The following PINX1 variants were observed in gnomAD, a reference collection of about 807,000 sequenced individuals.
PINX1 encodes PIN2/TERF1-interacting telomerase inhibitor 1.
PINX1 carries 34 observed loss-of-function variants against 25.4 expected under a neutral mutation model. The ratio of observed to expected loss-of-function variants is 1.34; its 90% CI spans 1.02 to 1.78. The LOEUF is 1.78. Among genes scored for constraint, PINX1 ranks in the 40% most tolerant of loss-of-function variants. The pLI is 0.00. For missense variants in PINX1, 592 were observed against 404.9 expected (o/e 1.46, Z -3.97); for synonymous variants, 197 against 147.7 (o/e 1.33, Z -2.42).
At chr8:10,817,111 G>A (rs552494242) in intron 6 of PINX1, among the ~76,000 whole-genome samples, 21 of 152,276 alleles carry the variant, frequency 1.4e-4, no homozygotes, top group African/African-American at 3.4e-4. Flanking sequence ...TAACGCCAAC[G>A]TTCTGGAACT....
At chr8:10,778,315 T>C (rs1408990160) in intron 6 of PINX1, among the ~76,000 whole-genome samples, 2 of 152,168 alleles carry the variant, frequency 1.3e-5, no homozygotes, top group African/African-American at 4.8e-5. Flanking sequence ...GGAATATCAA[T>C]ATAAATATGC....
chr8:10,773,311 G>A lies in PINX1; in HGVS notation c.472-7395C>T, dbSNP rs1586133053. Among the ~76,000 whole-genome samples, 7 of 152,220 alleles carry A rather than the reference G, an allele frequency of 4.6e-5. No homozygotes were observed. The South Asian group carries it at 1.4e-3, about 32-fold the overall frequency. On this transcript the variant is annotated intron_variant, in intron 6 of 6. Transcript: ENST00000314787. The stretch of plus-strand genomic sequence containing the variant: ...CAAGCTCTGTCTCCTGCCAACGACA[G>A]AATGCCTACCTTTCTGAACTGTGTC...
At chr8:10,818,618 G>C (rs1421572119) in intron 6 of PINX1, among the ~76,000 whole-genome samples, 2 of 152,184 alleles carry the variant, frequency 1.3e-5, no homozygotes, top group African/African-American at 2.4e-5. Context: ...GCAGAAGAGA[G>C]GATCAACGTG....
intron 6 of PINX1, among the ~76,000 whole-genome samples, chr8:10,772,700 C>G (rs546315392): frequency 1.3e-5 from 2 of 152,308 alleles, no homozygotes; most frequent in South Asian, 4.1e-4. Flanking sequence ...ACCCCATTGA[C>G]TGAAGAGAGT....
intron 6 of PINX1, among the ~76,000 whole-genome samples, chr8:10,783,381 G>A (rs187258363): frequency 2.0e-5 from 3 of 152,304 alleles, no homozygotes; most frequent in Non-Finnish European, 4.4e-5. Context: ...AGCACTTACA[G>A]ACTAGCCATC....
rs371083735 is a variant in PINX1 at position 10,832,394 on chromosome 8, A to G, written c.222+498T>C. On this transcript the variant is annotated intron_variant, in intron 3 of 6. Coordinates refer to ENST00000314787, the MANE Select transcript of PINX1 (RefSeq NM_017884.6). ...ACTCACATTCTTAGCAATTTTTAAG[A>G]ATGCTTAAGGTAAAGGAATATGAAA... 3.3e-4 allele frequency among the ~76,000 whole-genome samples: 50 copies of G among 152,344 alleles called. No homozygotes were observed. In the South Asian group the frequency reaches 9.9e-3, roughly 30 times the overall value.
At position 10,839,690 on chromosome 8, in the gene PINX1, G is replaced by A. The variant is rs373578801; in HGVS notation, c.19+48C>T. Reference sequence around the variant, plus strand: ...TCCGGGCTGCCGTGCGCGTCACCCGGCATCTTCACCAACGCGCCTGGGTCG... The same window carrying A: ...TCCGGGCTGCCGTGCGCGTCACCCGACATCTTCACCAACGCGCCTGGGTCG... On this transcript the variant is annotated intron_variant, in intron 1 of 6. Transcript: ENST00000314787. The A allele has an allele frequency of 3.2e-6, 5 of 1,578,846 alleles. No homozygotes were observed. The African/African-American group carries it at 4.1e-5, about 13-fold the overall frequency.
intron 6 of PINX1, among the ~76,000 whole-genome samples, chr8:10,774,070 T>A (rs1310433930): frequency 6.6e-6 from 1 of 152,190 alleles, no homozygotes; most frequent in Non-Finnish European, 1.5e-5. Context: ...ACAAACAGCT[T>A]TGATAAACAG....
At chr8:10,795,180 G>C (rs542715869) in intron 6 of PINX1, among the ~76,000 whole-genome samples, 3 of 152,146 alleles carry the variant, frequency 2.0e-5, no homozygotes, top group Non-Finnish European at 4.4e-5. Context: ...TAATATCGAA[G>C]TAAGAAAATT....
intron 6 of PINX1, among the ~76,000 whole-genome samples, chr8:10,812,748 T>C (rs1364171021): frequency 6.6e-6 from 1 of 152,178 alleles, no homozygotes; most frequent in Non-Finnish European, 1.5e-5. Flanking sequence ...TCAAGCACAG[T>C]CACCTGTGAG....
chr8:10,838,896 A>G (rs1563243940), intron 1 of PINX1, among the ~76,000 whole-genome samples: 1 of 152,154 alleles, frequency 6.6e-6, no homozygotes, highest in Non-Finnish European at 1.5e-5. Context: ...TTGTGCTCCT[A>G]AGTCCTCCAC....
rs199784807 is a variant in PINX1 at position 10,834,819 on chromosome 8, C to T, written c.20-44G>A. 1.3e-3 allele frequency: 1,757 copies of T among 1,346,908 alleles called. 1 individual carries two copies. Among genetic ancestry groups the T allele is most frequent in the African/African-American group, 2.3e-3 (162 of 69,610 alleles). The allele number at this position is 1,346,908 out of a possible 1,614,324, so 83.4% of individuals were successfully genotyped here. Reference sequence around the variant, plus strand: ...TATCATCAGCAATGGAGATGATACCCGGAAAATACCACACAAACATACACA... The same window carrying T: ...TATCATCAGCAATGGAGATGATACCTGGAAAATACCACACAAACATACACA... On this transcript the variant is annotated intron_variant, in intron 1 of 6. Transcript: ENST00000314787.
chr8:10,828,140 T>C (rs1050107091), intron 4 of PINX1, among the ~76,000 whole-genome samples: 2 of 152,156 alleles, frequency 1.3e-5, no homozygotes, highest in African/African-American at 4.8e-5. Context: ...TGTTCCGCAC[T>C]TGAGGCAAAG....
chr8:10,823,139 T>C (rs532235454), intron 5 of PINX1, among the ~76,000 whole-genome samples: 13 of 152,110 alleles, frequency 8.5e-5, no homozygotes, highest in African/African-American at 1.4e-4. Flanking sequence ...GAAGAGGAGA[T>C]TGAATGCTCC....
At chr8:10,834,573 T>C in intron 2 of PINX1, 93 bp downstream of exon 2, 1 of 1,481,064 alleles carries the variant, frequency 6.8e-7, no homozygotes, top group Non-Finnish European at 9.0e-7. Flanking sequence ...ATCCAAAGCA[T>C]AAGTTTCTTC....
At chr8:10,785,117 T>C (rs530361291) in intron 6 of PINX1, among the ~76,000 whole-genome samples, 1 of 152,222 alleles carries the variant, frequency 6.6e-6, no homozygotes, top group Non-Finnish European at 1.5e-5. Context: ...TTAAGCTAGT[T>C]CAAGATTGTG....
Position 10,820,291 on chromosome 8 carries a change from T to A in PINX1, c.395-22A>T, listed in dbSNP as rs774625329. ...TTCCCTAGAAAAACAATGTGATGCT[T>A]TTCAGTAAGACTGTTCTTCCTAAAA... On this transcript the variant is annotated intron_variant, in intron 5 of 6. Coordinates refer to ENST00000314787, the MANE Select transcript of PINX1 (RefSeq NM_017884.6). The A allele has an allele frequency of 6.6e-6, 10 of 1,523,384 alleles. No individual in the cohort carries two copies. The South Asian group carries it at 1.1e-4, about 17-fold the overall frequency. 94.4% of individuals were successfully genotyped at this position (1,523,384 alleles called of 1,614,324 possible). A position where few individuals can be genotyped will look rare whatever the true frequency, so the allele number is the denominator to read the frequency against.
At chr8:10,808,420 T>A (rs1376026512) in intron 6 of PINX1, among the ~76,000 whole-genome samples, 1 of 152,216 alleles carries the variant, frequency 6.6e-6, no homozygotes, top group East Asian at 1.9e-4. Flanking sequence ...CGGAGCTTAA[T>A]TTTTTTACAT....
intron 6 of PINX1, among the ~76,000 whole-genome samples, chr8:10,807,672 GAGT>G (rs1427032758): frequency 6.6e-6 from 1 of 152,164 alleles, no homozygotes; most frequent in African/African-American, 2.4e-5. Flanking sequence ...GAAGACACTA[GAGT>G]AATACCTTCA....
Sources: gnomAD v4.1 joint callset for allele counts (sites outside exome capture counted in the v4.1 genomes callset) on GRCh38, gnomAD v4.1.1 for gene constraint, MANE v1.5 for transcripts, NCBI Gene and HGNC (gene_info 2026-07-23, HGNC 2026-07-21) for gene names.